The following TMEM143 variants were observed in gnomAD, a reference collection of about 807,000 sequenced individuals.
TMEM143 encodes the protein transmembrane protein 143.
A neutral mutation model predicts 40.3 loss-of-function variants in TMEM143; 45 were observed. The ratio of observed to expected loss-of-function variants is 1.12; its 90% CI spans 0.88 to 1.43. The LOEUF is 1.43. Ranked by LOEUF, TMEM143 falls within the 40% of genes most tolerant of loss-of-function variation. The pLI, the probability that TMEM143 is intolerant of heterozygous loss-of-function variation, is 0.00. For synonymous variants in TMEM143, 299 were observed against 282.7 expected (o/e 1.06, Z -0.58); for missense variants, 620 against 613.4 (o/e 1.01, Z -0.11).
At chr19:48,341,293 C>A (rs1302267432) in intron 6 of TMEM143, among the ~76,000 whole-genome samples, 1 of 152,220 alleles carries the variant, frequency 6.6e-6, no homozygotes, top group African/African-American at 2.4e-5. Flanking sequence ...CACCTGGCCC[C>A]TGGGCCACGA....
chr19:48,362,750 C>T (rs1306341916), intron 2 of TMEM143, among the ~76,000 whole-genome samples: 1 of 152,122 alleles, frequency 6.6e-6, no homozygotes, highest in Non-Finnish European at 1.5e-5. Context: ...TGGAGTCAGA[C>T]CACTTTGGTT....
rs991752051 is a variant in TMEM143, at chr19:48,363,935, A to T, written c.-15T>A. 1.9e-6 allele frequency: 3 copies of T among 1,612,416 alleles called. No individual in the cohort carries two copies. The South Asian group carries it at 3.3e-5, about 18-fold the overall frequency. On this transcript the variant is annotated 5_prime_UTR_variant, in exon 1 of 8. The change abolishes an upstream ATG in the 5' untranslated region. Transcript: ENST00000293261. ...TCGACTGTCATTGAGCCTCCTGCGC[A>T]TGTGCAGGAGGGCGTCCTGGGCTCC...
chr19:48,335,171 T>C (rs1372343864), intron 6 of TMEM143, among the ~76,000 whole-genome samples: 1 of 152,258 alleles, frequency 6.6e-6, no homozygotes, highest in Non-Finnish European at 1.5e-5. Flanking sequence ...AGGGGAAATC[T>C]GATTAACTAT....
At chr19:48,355,904 C>G (rs1364915905) in intron 3 of TMEM143, among the ~76,000 whole-genome samples, 1 of 152,172 alleles carries the variant, frequency 6.6e-6, no homozygotes, top group Non-Finnish European at 1.5e-5. Context: ...GGGCTGGAGT[C>G]TCAGGTCAGC....
chr19:48,363,705 G>A (rs1027907351), intron 1 of TMEM143, 174 bp from the exon 2 acceptor site: 9 of 1,363,496 alleles, frequency 6.6e-6, no homozygotes, highest in Non-Finnish European at 8.0e-6. Context: ...AGTTGGCCTG[G>A]GTCCCAGACA....
At chr19:48,334,432 TTC>T (rs139992471) in intron 6 of TMEM143, among the ~76,000 whole-genome samples, 69 of 128,420 alleles carry the variant, frequency 5.4e-4, no homozygotes, top group South Asian at 9.9e-4. Flanking sequence ...CTTTCTTTCT[TTC>T]TTTCTTTCTT....
rs556088590 is a variant in TMEM143 at position 48,338,599 on chromosome 19, C to T, written c.975+3931G>A. Among the ~76,000 whole-genome samples, 4 of 152,364 alleles carry T rather than the reference C, an allele frequency of 2.6e-5. No individual in the cohort carries two copies. The South Asian group carries it at 8.3e-4, about 32-fold the overall frequency. Reference sequence around the variant, plus strand: ...GGCTCAGGATGGACATCACCTCTCGCGGACGAGCAGATGCAGCCTCGGGCT... The same window carrying T: ...GGCTCAGGATGGACATCACCTCTCGTGGACGAGCAGATGCAGCCTCGGGCT... On this transcript the variant is annotated intron_variant, in intron 6 of 7. Transcript: ENST00000293261.
chr19:48,363,893 C>T lies in TMEM143; in HGVS notation c.23+5G>A. On this transcript the variant is annotated splice_donor_5th_base_variant and intron_variant, in intron 1 of 7. Transcript: ENST00000293261. Reference sequence around the variant, plus strand: ...GGCCATGCAATCCCCCGATTTCTCCCTCACCTTAGCCAAAGCTCGACTGTC... The same window carrying T: ...GGCCATGCAATCCCCCGATTTCTCCTTCACCTTAGCCAAAGCTCGACTGTC... The T allele has an allele frequency of 6.2e-7, 1 of 1,613,970 alleles. No homozygotes were observed.
rs1041214122 is a variant in TMEM143, at chr19:48,333,487, G to C, written c.1166-54C>G. On this transcript the variant is annotated intron_variant, in intron 7 of 7. Transcript: ENST00000293261. This position sits in a 1 kb window ranked among gnomAD's most constrained non-coding sequence, Gnocchi z 4.1. ...GTCACACTGAGATCGGGGAAGATTCGAGGGAGCAGCAAGGAGGGGCGTAGG... is the reference window on the plus strand; with the variant it reads ...GTCACACTGAGATCGGGGAAGATTCCAGGGAGCAGCAAGGAGGGGCGTAGG... 6.9e-6 allele frequency: 9 copies of C among 1,308,962 alleles called. No individual in the cohort carries two copies. In the Admixed American group the frequency reaches 1.6e-4, roughly 24 times the overall value. 81.1% of individuals were successfully genotyped at this position (1,308,962 alleles called of 1,614,324 possible).
At chr19:48,334,704 C>T (rs561750537) in intron 6 of TMEM143, among the ~76,000 whole-genome samples, 1 of 151,766 alleles carries the variant, frequency 6.6e-6, no homozygotes, top group Admixed American at 6.6e-5. Context: ...GCGATCCTCC[C>T]GCCTTGGCCT....
chr19:48,342,517 G>A lies in TMEM143; in HGVS notation c.975+13C>T, dbSNP rs1319996305. ...GCGCAGGGCCGCAGGAGGCGTGGCA[G>A]GCGCATGCTCACCTTGGAGGCCCGC... On this transcript the variant is annotated intron_variant, in intron 6 of 7. Transcript: ENST00000293261. The A allele has an allele frequency of 8.2e-6, 13 of 1,593,962 alleles. No homozygotes were observed. In the African/African-American group the frequency reaches 1.6e-4, roughly 20 times the overall value.
At chr19:48,361,926 C>G (rs772320936) in intron 2 of TMEM143, among the ~76,000 whole-genome samples, 1 of 152,178 alleles carries the variant, frequency 6.6e-6, no homozygotes. Flanking sequence ...ATTACACGCT[C>G]TTTCTTGGAG....
chr19:48,356,132 T>G (rs1027873559), intron 3 of TMEM143, among the ~76,000 whole-genome samples: 3 of 151,934 alleles, frequency 2.0e-5, no homozygotes, highest in Non-Finnish European at 4.4e-5. Context: ...TCTTTTTTTT[T>G]TTTGGGATGG....
intron 6 of TMEM143, among the ~76,000 whole-genome samples, chr19:48,340,856 T>A (rs1969471449): frequency 6.6e-6 from 1 of 152,058 alleles, no homozygotes; most frequent in African/African-American, 2.4e-5. Flanking sequence ...GCTCACTGGA[T>A]CCAGCCCCAT....
intron 6 of TMEM143, among the ~76,000 whole-genome samples, chr19:48,335,203 G>T (rs1039938172): frequency 2.0e-5 from 3 of 152,188 alleles, no homozygotes; most frequent in Admixed American, 6.5e-5. Flanking sequence ...GATGCTAGGT[G>T]CTGGCTAGTG....
intron 6 of TMEM143, among the ~76,000 whole-genome samples, chr19:48,334,585 CT>C (rs200299138): frequency 0.45 from 46,639 of 104,224 alleles, 9,734 homozygotes; most frequent in Middle Eastern, 0.53. Flanking sequence ...CTTTTCTTTC[CT>C]TTTTTTTTTT....
At chr19:48,353,034 A>T (rs1364105345) in intron 3 of TMEM143, among the ~76,000 whole-genome samples, 1 of 152,166 alleles carries the variant, frequency 6.6e-6, no homozygotes, top group Non-Finnish European at 1.5e-5. Flanking sequence ...AGGGAAAAAA[A>T]GAGTCTGTAC....
chr19:48,343,550 C>T, intron 4 of TMEM143, 99 bp from the exon 5 acceptor site: 12 of 1,436,994 alleles, frequency 8.4e-6, no homozygotes, highest in Admixed American at 7.0e-5. Flanking sequence ...ATAATTCCCC[C>T]GTTTCCCACT....
At chr19:48,345,082 A>T in intron 4 of TMEM143, 78 bp downstream of exon 4, 1 of 1,484,758 alleles carries the variant, frequency 6.7e-7, no homozygotes, top group African/African-American at 1.4e-5. Flanking sequence ...TACAACTCCC[A>T]GCAGCCCATG....
Sources: allele counts gnomAD v4.1 joint callset (sites outside exome capture counted in the v4.1 genomes callset), GRCh38; gene constraint gnomAD v4.1.1; non-coding constraint Gnocchi (gnomAD v3.1); transcripts MANE v1.5; gene names NCBI Gene and HGNC (gene_info 2026-07-23, HGNC 2026-07-21).